The following FARS2 variants were observed in gnomAD, a reference collection of about 807,000 sequenced individuals.
The protein encoded by FARS2 is phenylalanine--tRNA ligase, mitochondrial.
Under a neutral mutation model 46.4 loss-of-function variants are expected in FARS2, and 40 were observed. The ratio of observed to expected loss-of-function variants is 0.86; its 90% CI spans 0.67 to 1.12. FARS2 has a LOEUF of 1.12. FARS2 is among the 50% of genes most tolerant of loss of function. The pLI is 0.00. For synonymous variants in FARS2, 234 were observed against 214.9 expected (o/e 1.09, Z -0.78); for missense variants, 513 against 567.9 (o/e 0.90, Z 0.98).
At chr6:5,263,936 G>A (rs1418878490) in intron 1 of FARS2, among the ~76,000 whole-genome samples, 1 of 152,202 alleles carries the variant, frequency 6.6e-6, no homozygotes, top group Non-Finnish European at 1.5e-5. Context: ...GTTCAGCTGG[G>A]CATGGTGGCT....
chr6:5,659,078 C>G lies in FARS2; in HGVS notation c.1217+45758C>G, dbSNP rs939431285. 4.6e-5 allele frequency among the ~76,000 whole-genome samples: 7 copies of G among 152,288 alleles called. No individual in the cohort carries two copies. The South Asian group carries it at 1.2e-3, about 27-fold the overall frequency. On this transcript the variant is annotated intron_variant, in intron 6 of 6. Transcript: ENST00000274680. ...CCATTCTTAGCAGTACCTCATATGA[C>G]TTGCGGTATGGAAGGCTTTTCAAAG...
chr6:5,675,088 CAG>C (rs1303713412), intron 6 of FARS2, among the ~76,000 whole-genome samples: 1 of 152,050 alleles, frequency 6.6e-6, no homozygotes, highest in African/African-American at 2.4e-5. Context: ...GATAAAAATA[CAG>C]AGTTTGTCAC....
At chr6:5,352,780 TTTTA>T (rs1164553866) in intron 1 of FARS2, among the ~76,000 whole-genome samples, 2 of 152,100 alleles carry the variant, frequency 1.3e-5, no homozygotes, top group African/African-American at 4.8e-5. Context: ...TAATTTTTAT[TTTTA>T]TTTTAACTGA....
In FARS2 at chr6:5,313,598, G is replaced by A. The variant is rs944875775; in HGVS notation, c.-22+51938G>A. Among the ~76,000 whole-genome samples the A allele has an allele frequency of 1.3e-4, 20 of 152,258 alleles. 1 individual carries two copies. The highest frequency in any genetic ancestry group is 8.5e-4 in the Admixed American group (13 of 15,296). ...AGAACTCTACTGTAAATTGAGTTGA[G>A]CTATTTTGGGAAGGAGATTTGCATA... is the stretch of plus-strand genomic sequence containing the variant. On this transcript the variant is annotated intron_variant, in intron 1 of 6. Coordinates refer to ENST00000274680, the MANE Select transcript of FARS2 (RefSeq NM_006567.5).
At chr6:5,365,985 C>G (rs775754905) in intron 1 of FARS2, among the ~76,000 whole-genome samples, 18 of 151,972 alleles carry the variant, frequency 1.2e-4, no homozygotes, top group Non-Finnish European at 2.1e-4. Context: ...GTCTTGCCTT[C>G]TCAGGGGTGG....
chr6:5,579,243 C>G (rs1252839995), intron 5 of FARS2, among the ~76,000 whole-genome samples: 1 of 152,074 alleles, frequency 6.6e-6, no homozygotes, highest in Non-Finnish European at 1.5e-5. Context: ...TTACCAATGA[C>G]TTTGCCCATC....
At chr6:5,759,502 G>T (rs1001426843) in intron 6 of FARS2, among the ~76,000 whole-genome samples, 3 of 152,096 alleles carry the variant, frequency 2.0e-5, no homozygotes, top group African/African-American at 7.2e-5. Flanking sequence ...ATGGCATATG[G>T]TGGGTGGTCG....
rs1021078082 is a variant in FARS2 at position 5,383,071 on chromosome 6, A to G, written c.612+13889A>G. Among the ~76,000 whole-genome samples the G allele has an allele frequency of 7.9e-5, 12 of 152,334 alleles. No individual in the cohort carries two copies. In the East Asian group the frequency reaches 2.3e-3, roughly 29 times the overall value. ...ACCCTCACAGACACATCCAGTAATG[A>G]TGTTTAATGAAATATCTGGGCACCC... is the stretch of plus-strand genomic sequence containing the variant. On this transcript the variant is annotated intron_variant, in intron 2 of 6. Transcript: ENST00000274680.
At chr6:5,288,860 G>T (rs1433295167) in intron 1 of FARS2, among the ~76,000 whole-genome samples, 3 of 152,278 alleles carry the variant, frequency 2.0e-5, no homozygotes, top group East Asian at 3.9e-4. Context: ...AAGCAACCCA[G>T]TTTTTGAGTC....
chr6:5,762,684 C>T (rs567334654), intron 6 of FARS2, among the ~76,000 whole-genome samples: 4 of 152,344 alleles, frequency 2.6e-5, no homozygotes, highest in East Asian at 1.9e-4. Flanking sequence ...CTGGGCCCGG[C>T]GGGGGAGGCC....
At chr6:5,750,724 G>C (rs1474993576) in intron 6 of FARS2, among the ~76,000 whole-genome samples, 1 of 152,030 alleles carries the variant, frequency 6.6e-6, no homozygotes, top group African/African-American at 2.4e-5. Flanking sequence ...AGGAGGCGGG[G>C]GAGTTGTGAT....
chr6:5,302,252 G>T (rs1041665234), intron 1 of FARS2, among the ~76,000 whole-genome samples: 2 of 152,200 alleles, frequency 1.3e-5, no homozygotes, highest in African/African-American at 4.8e-5. Context: ...TGCAAAACAT[G>T]TTAAGATTCA....
chr6:5,700,950 ATACTT>A (rs1490232287), intron 6 of FARS2, among the ~76,000 whole-genome samples: 1 of 151,948 alleles, frequency 6.6e-6, no homozygotes, highest in Non-Finnish European at 1.5e-5. Context: ...CCTCAGATAA[ATACTT>A]TACTTGATGT....
chr6:5,508,745 A>G (rs1768252877), intron 4 of FARS2, among the ~76,000 whole-genome samples: 1 of 152,238 alleles, frequency 6.6e-6, no homozygotes. Context: ...GGATTCAGCA[A>G]GTGACAGGAT....
chr6:5,454,505 C>G (rs888080761), intron 4 of FARS2, among the ~76,000 whole-genome samples: 3 of 151,954 alleles, frequency 2.0e-5, no homozygotes, highest in Admixed American at 6.6e-5. Flanking sequence ...CTACCATGCC[C>G]GGCTAATTTT....
At chr6:5,596,308 C>T (rs1323575211) in intron 5 of FARS2, among the ~76,000 whole-genome samples, 2 of 152,190 alleles carry the variant, frequency 1.3e-5, no homozygotes, top group African/African-American at 4.8e-5. Context: ...AACCGTGCAC[C>T]CCTGAGTGCA....
At chr6:5,293,356 T>C in intron 1 of FARS2, among the ~76,000 whole-genome samples, 1 of 152,206 alleles carries the variant, frequency 6.6e-6, no homozygotes, top group East Asian at 1.9e-4. Context: ...AGAAAGCTTC[T>C]GCTTGCATCC....
At chr6:5,454,872 A>G (rs1764746092) in intron 4 of FARS2, among the ~76,000 whole-genome samples, 1 of 152,038 alleles carries the variant, frequency 6.6e-6, no homozygotes, top group African/African-American at 2.4e-5. Context: ...CTTTGCTGGG[A>G]CTGCCTGGGC....
intron 6 of FARS2, among the ~76,000 whole-genome samples, chr6:5,730,812 T>C (rs561325448): frequency 6.6e-6 from 1 of 152,350 alleles, no homozygotes; most frequent in African/African-American, 2.4e-5. Flanking sequence ...AGTTCTACTG[T>C]GTGCTTATGT....
Sources: gnomAD v4.1 joint callset for allele counts (sites outside exome capture counted in the v4.1 genomes callset) on GRCh38, gnomAD v4.1.1 for gene constraint, MANE v1.5 for transcripts, NCBI Gene and HGNC (gene_info 2026-07-23, HGNC 2026-07-21) for gene names.